TTC29: variants seen among roughly 807,000 people sequenced by gnomAD.
TTC29 encodes tetratricopeptide repeat domain 29.
In TTC29, 49 loss-of-function variants were observed where a neutral mutation model predicts 58.1. That is an observed-to-expected ratio of 0.84 (90% CI 0.67 to 1.07). TTC29 has a LOEUF of 1.07. Ranked by LOEUF, TTC29 falls within the 50% of genes least tolerant of loss-of-function variation. TTC29 has a pLI of 0.00. For missense variants in TTC29, 582 were observed against 555.6 expected, an observed-to-expected ratio of 1.05 and a Z score of -0.48; for synonymous variants, 209 against 196.8, an observed-to-expected ratio of 1.06 and a Z score of -0.52.
At chr4:146,933,403 T>C (rs1735500376) in intron 4 of TTC29, among the ~76,000 whole-genome samples, 2 of 152,258 alleles carry the variant, frequency 1.3e-5, no homozygotes, top group African/African-American at 4.8e-5. Flanking sequence ...TTTGAATCTA[T>C]AAATGACTCT....
chr4:146,827,132 T>C (rs758504740), intron 9 of TTC29, among the ~76,000 whole-genome samples: 2 of 152,166 alleles, frequency 1.3e-5, no homozygotes, highest in Non-Finnish European at 2.9e-5. Flanking sequence ...TTCATCCATG[T>C]CTGTGCCCAC....
At chr4:146,929,370 G>A (rs562957173) in intron 4 of TTC29, among the ~76,000 whole-genome samples, 5 of 151,788 alleles carry the variant, frequency 3.3e-5, no homozygotes, top group African/African-American at 1.2e-4. Flanking sequence ...TCCCCAGACA[G>A]TCTGTCCTTT....
At position 146,778,999 on chromosome 4, in the gene TTC29, A is replaced by AGAAAG. The variant is rs1554013314; in HGVS notation, c.1330+24457_1330+24458insCTTTC. 5.1e-5 allele frequency among the ~76,000 whole-genome samples: 4 copies of AGAAAG among 78,238 alleles called. No homozygotes were observed. In the South Asian group the frequency reaches 1.6e-3, roughly 32 times the overall value. 51.3% of individuals were successfully genotyped at this position (78,238 alleles called of 152,430 possible). A position where few individuals can be genotyped will look rare whatever the true frequency, so the allele number is the denominator to read the frequency against. On this transcript the variant is annotated intron_variant, in intron 11 of 12. Coordinates refer to ENST00000325106, the MANE Select transcript of TTC29 (RefSeq NM_031956.4). ...AGCAAAAAAAAAAAAAAAAAAAAAA[A>AGAAAG]AAAAGAAAAGAAAAGAAAAAGAAAT...
chr4:146,844,877 G>A (rs1729069904), intron 8 of TTC29, among the ~76,000 whole-genome samples: 1 of 152,208 alleles, frequency 6.6e-6, no homozygotes, highest in South Asian at 2.1e-4. Flanking sequence ...GTTCAGAGCA[G>A]CTGAGTCGTT....
chr4:146,821,259 T>C (rs1217910911), intron 9 of TTC29, among the ~76,000 whole-genome samples: 1 of 151,962 alleles, frequency 6.6e-6, no homozygotes, highest in Non-Finnish European at 1.5e-5. Flanking sequence ...CCTTTTAGGG[T>C]GATTGAAATT....
Position 146,833,802 on chromosome 4 carries a change from T to C in TTC29, c.977+4A>G. ...GACAGCAAGATGAGAATGTGCTAAC[T>C]TACCTCTGCAGGACCTTGGCTATGG... On this transcript the variant is annotated splice_donor_region_variant and intron_variant, in intron 9 of 12. Transcript: ENST00000325106. 1 of 1,610,794 alleles carries C rather than the reference T, an allele frequency of 6.2e-7. No individual in the cohort carries two copies. The highest frequency in any genetic ancestry group is 1.1e-5 in the South Asian group (1 of 90,996).
At chr4:146,910,659 G>A (rs766218199) in intron 4 of TTC29, among the ~76,000 whole-genome samples, 4 of 152,138 alleles carry the variant, frequency 2.6e-5, no homozygotes, top group East Asian at 1.9e-4. Flanking sequence ...CTGACATGAC[G>A]AGACTGCATT....
chr4:146,806,302 C>T (rs796728976), intron 10 of TTC29, among the ~76,000 whole-genome samples: 10 of 152,288 alleles, frequency 6.6e-5, no homozygotes, highest in African/African-American at 2.2e-4. Flanking sequence ...AGACCATCAA[C>T]ACTATGAAGA....
intron 6 of TTC29, among the ~76,000 whole-genome samples, chr4:146,895,920 G>T (rs1431945228): frequency 2.6e-5 from 4 of 151,734 alleles, no homozygotes; most frequent in Non-Finnish European, 5.9e-5. Flanking sequence ...ATTTATAAAA[G>T]TTTCTCAAAA....
At chr4:146,743,623 G>T (rs578009141) in intron 11 of TTC29, among the ~76,000 whole-genome samples, 1 of 152,310 alleles carries the variant, frequency 6.6e-6, no homozygotes, top group African/African-American at 2.4e-5. Flanking sequence ...TGTCCTTCAA[G>T]TGCCAAATTC....
At chr4:146,723,453 A>G (rs1743527245) in intron 11 of TTC29, among the ~76,000 whole-genome samples, 1 of 152,136 alleles carries the variant, frequency 6.6e-6, no homozygotes, top group South Asian at 2.1e-4. Context: ...TAAACAATCT[A>G]CAAATGGGAG....
intron 10 of TTC29, among the ~76,000 whole-genome samples, chr4:146,819,144 T>TA (rs1175933922): frequency 1.3e-5 from 2 of 150,064 alleles, no homozygotes; most frequent in African/African-American, 2.4e-5. Flanking sequence ...AATAAAAAAA[T>TA]AAAAAAATAA....
intron 3 of TTC29, among the ~76,000 whole-genome samples, chr4:146,938,718 G>A (rs779768020): frequency 6.6e-6 from 1 of 151,988 alleles, no homozygotes; most frequent in Non-Finnish European, 1.5e-5. Context: ...TTTGTTCCAG[G>A]GGCTTTGGTA....
chr4:146,836,846 T>A (rs1407904668), intron 8 of TTC29, among the ~76,000 whole-genome samples: 1 of 151,858 alleles, frequency 6.6e-6, no homozygotes, highest in Non-Finnish European at 1.5e-5. Context: ...AAAAACAACA[T>A]ATGCTGGCAA....
At chr4:146,730,709 G>A (rs1744268798) in intron 11 of TTC29, among the ~76,000 whole-genome samples, 1 of 152,126 alleles carries the variant, frequency 6.6e-6, no homozygotes, top group African/African-American at 2.4e-5. Context: ...TTGCTGATGG[G>A]TCAAATAAGA....
intron 8 of TTC29, among the ~76,000 whole-genome samples, chr4:146,857,776 T>A (rs1391278952): frequency 2.5e-5 from 2 of 78,998 alleles, no homozygotes; most frequent in African/African-American, 3.1e-4. Flanking sequence ...AATGAGTAGC[T>A]CTATGTTTAA....
At chr4:146,788,315 C>A (rs747416815) in intron 11 of TTC29, among the ~76,000 whole-genome samples, 9 of 152,186 alleles carry the variant, frequency 5.9e-5, no homozygotes, top group East Asian at 5.8e-4. Context: ...GGGGAGAATG[C>A]CCCTGTGACA....
intron 10 of TTC29, among the ~76,000 whole-genome samples, chr4:146,808,249 A>G (rs1457323108): frequency 6.6e-6 from 1 of 152,206 alleles, no homozygotes. Flanking sequence ...TCAAAATAAT[A>G]AGAGCTATTT....
At chr4:146,747,613 G>A (rs114449556) in intron 11 of TTC29, among the ~76,000 whole-genome samples, 3 of 152,296 alleles carry the variant, frequency 2.0e-5, no homozygotes, top group Non-Finnish European at 4.4e-5. Flanking sequence ...TCTTCTGCAC[G>A]CTGGAGCAGT....
Sources: gnomAD v4.1 joint callset for allele counts (sites outside exome capture counted in the v4.1 genomes callset) on GRCh38, gnomAD v4.1.1 for gene constraint, MANE v1.5 for transcripts, NCBI Gene and HGNC (gene_info 2026-07-23, HGNC 2026-07-21) for gene names.